The following RYR2 variants were observed in gnomAD, a reference collection of about 807,000 sequenced individuals.
The protein encoded by RYR2 is cardiac muscle ryanodine receptor-calcium release channel.
RYR2 carries 227 observed loss-of-function variants against 601.1 expected under a neutral mutation model. The observed-to-expected ratio is 0.38, with a 90% CI of 0.34 to 0.42. RYR2 has a LOEUF of 0.42. Ranked by LOEUF, RYR2 falls within the 10% of genes least tolerant of loss-of-function variation. The pLI, the probability that RYR2 is intolerant of heterozygous loss-of-function variation, is 1.00. For synonymous variants in RYR2, 2,223 were observed against 2,175.1 expected (o/e 1.02, Z -0.61); for missense variants, 4,646 against 6,156.5 (o/e 0.75, Z 8.21).
In RYR2 at chr1:237,423,182, C is replaced by G; in HGVS notation, c.939C>G (p.Asn313Lys). The change falls in exon 12 of 105, where the codon AAC becomes AAG. Residue 313 changes from asparagine to lysine, a missense_variant. By Grantham distance (94) the Asn-to-Lys change is moderately conservative (BLOSUM62 0). Around this residue, in one of 17 missense-constraint regions of RYR2, gnomAD observed 1,807 missense variants for 2,088.1 expected, o/e 0.87. Transcript: ENST00000366574. ...GKYLSLMEDKNLLLMDKEKAD... is the reference protein window; with the variant it reads ...GKYLSLMEDKKLLLMDKEKAD... ...ACTTGAGTCTCATGGAAGACAAAAA[C>G]CTTCTACTCATGGACAAAGAGAAAG... The G allele has an allele frequency of 6.2e-7, 1 of 1,613,848 alleles. No homozygotes were observed. Among genetic ancestry groups the G allele is most frequent in the Non-Finnish European group, 8.5e-7 (1 of 1,179,812 alleles).
intron 10 of RYR2, among the ~76,000 whole-genome samples, chr1:237,397,914 G>T (rs10925404): frequency 0.26 from 38,930 of 151,752 alleles, 5,225 homozygotes; most frequent in African/African-American, 0.35. Context: ...GTAGAGACAG[G>T]GTTTCACCAT....
At chr1:237,139,218 A>G (rs1356411860) in intron 1 of RYR2, among the ~76,000 whole-genome samples, 1 of 152,232 alleles carries the variant, frequency 6.6e-6, no homozygotes, top group Non-Finnish European at 1.5e-5. Flanking sequence ...GAATACTACC[A>G]TATATACTAC....
At chr1:237,573,071 C>A (rs1395469886) in intron 29 of RYR2, among the ~76,000 whole-genome samples, 1 of 152,104 alleles carries the variant, frequency 6.6e-6, no homozygotes, top group African/African-American at 2.4e-5. Flanking sequence ...TTACACCTAG[C>A]CTGTCTTTAT....
At chr1:237,526,982 G>C (rs775024832) in intron 24 of RYR2, among the ~76,000 whole-genome samples, 1 of 152,126 alleles carries the variant, frequency 6.6e-6, no homozygotes, top group Non-Finnish European at 1.5e-5. Flanking sequence ...TTTTGTACAT[G>C]GTGAGAGATA....
At chr1:237,188,375 G>A (rs1359515687) in intron 1 of RYR2, among the ~76,000 whole-genome samples, 2 of 151,994 alleles carry the variant, frequency 1.3e-5, no homozygotes, top group Non-Finnish European at 2.9e-5. Context: ...GCAGTTAGCA[G>A]TTTGACCCTT....
At chr1:237,484,697 A>C (rs1271616521) in intron 17 of RYR2, among the ~76,000 whole-genome samples, 1 of 152,236 alleles carries the variant, frequency 6.6e-6, no homozygotes, top group Non-Finnish European at 1.5e-5. Flanking sequence ...GTGAATATAC[A>C]ATAGCAAAGT....
rs1400077755 is a variant in RYR2 at position 237,395,564 on chromosome 1, T to TTTTTG, written c.773+7381_773+7382insTTTTG. On this transcript the variant is annotated intron_variant, in intron 10 of 104. Coordinates refer to ENST00000366574, the MANE Select transcript of RYR2 (RefSeq NM_001035.3). ...TTTTTTTTTTTTTTTTTTTTTTTTT[T>TTTTTG]GAGACAGAGTCTCGCTTTGTTCCCC... Among the ~76,000 whole-genome samples, 219 of 77,588 alleles carry TTTTTG rather than the reference T, an allele frequency of 2.8e-3. 2 individuals carry two copies. The highest frequency in any genetic ancestry group is 7.0e-3 in the South Asian group (15 of 2,146). The allele number at this position is 77,588 out of a possible 152,430, so 50.9% of individuals were successfully genotyped here. A position where few individuals can be genotyped will look rare whatever the true frequency, so the allele number is the denominator to read the frequency against.
chr1:237,531,323 C>CT (rs1433812076), intron 25 of RYR2, among the ~76,000 whole-genome samples: 1 of 152,112 alleles, frequency 6.6e-6, no homozygotes, highest in Non-Finnish European at 1.5e-5. Flanking sequence ...AAGACCTCAC[C>CT]TTTCTCATCT....
intron 29 of RYR2, among the ~76,000 whole-genome samples, chr1:237,573,792 CAG>C (rs1042890802): frequency 1.3e-5 from 2 of 151,474 alleles, no homozygotes; most frequent in African/African-American, 2.4e-5. Flanking sequence ...AGCCTGGTGA[CAG>C]AGGAGTGAGA....
rs908122823 is a variant in RYR2 at position 237,784,088 on chromosome 1, C to T, written c.12376C>T (p.Leu4126=). Residue 4126 remains leucine (L), a synonymous_variant, in exon 90 of 105, where the codon CTG becomes TTG. Coordinates refer to ENST00000366574, the MANE Select transcript of RYR2 (RefSeq NM_001035.3). The surrounding 1 kb of genome is among the most constrained non-coding windows in gnomAD (Gnocchi z 7.1). ...QTFLELAESV[L]NYFQPFLGRI... is the part of the protein sequence containing the mutation. The stretch of plus-strand genomic sequence containing the variant: ...TTTTCTGGAATTAGCAGAGAGCGTC[C>T]TGAATTATTTCCAGCCCTTTCTGGG... The T allele has an allele frequency of 2.5e-6, 4 of 1,613,884 alleles. No individual in the cohort carries two copies. The African/African-American group carries it at 5.3e-5, about 22-fold the overall frequency.
chr1:237,276,943 A>C (rs1034331850), intron 2 of RYR2, among the ~76,000 whole-genome samples: 1 of 152,230 alleles, frequency 6.6e-6, no homozygotes, highest in African/African-American at 2.4e-5. Context: ...AATGTAATTT[A>C]AATTTCAAAA....
At chr1:237,445,340 C>T in intron 13 of RYR2, 61 bp from the exon 14 acceptor site, 1 of 1,604,692 alleles carries the variant, frequency 6.2e-7, no homozygotes, top group South Asian at 1.1e-5. Context: ...TACACATCTC[C>T]CTAACTCTAG....
At chr1:237,297,609 G>C (rs544894369) in intron 2 of RYR2, among the ~76,000 whole-genome samples, 35 of 152,024 alleles carry the variant, frequency 2.3e-4, no homozygotes, top group African/African-American at 8.2e-4. Flanking sequence ...CAATATTTAG[G>C]CACTGAAGTC....
In RYR2 at chr1:237,264,524, G is replaced by A. The variant is rs114243050; in HGVS notation, c.49-5973G>A. 3.4e-3 allele frequency among the ~76,000 whole-genome samples: 513 copies of A among 152,174 alleles called. 2 individuals carry two copies. Among genetic ancestry groups the A allele is most frequent in the Non-Finnish European group, 4.4e-3 (301 of 68,016 alleles). The stretch of plus-strand genomic sequence containing the variant: ...GTCCAAAGTGGGCAATTCAATGAAA[G>A]GGTAGTGCTGATTTAGTGGTATTAA... On this transcript the variant is annotated intron_variant, in intron 1 of 104. Coordinates refer to ENST00000366574, the MANE Select transcript of RYR2 (RefSeq NM_001035.3).
chr1:237,552,447 T>C (rs1670494834), intron 27 of RYR2, among the ~76,000 whole-genome samples: 1 of 152,104 alleles, frequency 6.6e-6, no homozygotes, highest in Admixed American at 6.5e-5. Context: ...AAGTGTTCAG[T>C]CTGGTAAATT....
At chr1:237,204,037 G>A (rs911051348) in intron 1 of RYR2, among the ~76,000 whole-genome samples, 4 of 152,182 alleles carry the variant, frequency 2.6e-5, no homozygotes, top group African/African-American at 4.8e-5. Context: ...TTGAGATGGA[G>A]TCTTGCTCTG....
intron 62 of RYR2, 92 bp from the exon 63 acceptor site, chr1:237,687,363 C>CTTA: frequency 2.2e-6 from 1 of 452,442 alleles, no homozygotes; most frequent in Non-Finnish European, 3.5e-6. Context: ...CTTTTTTCTT[C>CTTA]TTCTTTTTTT....
rs116506838 is a variant in RYR2, at chr1:237,162,873, G to A, written c.49-107624G>A. Reference sequence around the variant, plus strand: ...TTCATAGAGTTAGAACGTTCTGCAGGAGTCTAATGGGGCTGTTACAAAAGG... The same window carrying A: ...TTCATAGAGTTAGAACGTTCTGCAGAAGTCTAATGGGGCTGTTACAAAAGG... On this transcript the variant is annotated intron_variant, in intron 1 of 104. Transcript: ENST00000366574. 2.4e-3 allele frequency among the ~76,000 whole-genome samples: 370 copies of A among 152,228 alleles called. 1 individual carries two copies. The highest frequency in any genetic ancestry group is 7.4e-3 in the African/African-American group (307 of 41,508).
intron 68 of RYR2, 34 bp from the exon 69 acceptor site, chr1:237,708,824 A>T (rs751982396): frequency 8.9e-6 from 14 of 1,576,296 alleles, no homozygotes; most frequent in African/African-American, 1.3e-5. Flanking sequence ...GAATGGTTTT[A>T]CAGAGCAGAA....
Sources: allele counts gnomAD v4.1 joint callset (sites outside exome capture counted in the v4.1 genomes callset), GRCh38; gene constraint gnomAD v4.1.1; regional missense constraint gnomAD v4.1.1; non-coding constraint Gnocchi (gnomAD v3.1); transcripts MANE v1.5; gene names NCBI Gene and HGNC (gene_info 2026-07-23, HGNC 2026-07-21).